LYPLAL1: variants seen among roughly 807,000 people sequenced by gnomAD.
LYPLAL1 encodes the protein lysophospholipase like 1.
Under a neutral mutation model 19.7 loss-of-function variants are expected in LYPLAL1, and 23 were observed. The ratio of observed to expected loss-of-function variants is 1.17; its 90% CI spans 0.84 to 1.65. The LOEUF is 1.65. Ranked by LOEUF, LYPLAL1 falls within the 40% of genes most tolerant of loss-of-function variation. LYPLAL1 has a pLI of 0.00. For missense variants in LYPLAL1, 355 were observed against 279.4 expected (o/e 1.27, Z -1.93); for synonymous variants, 119 against 96.3 (o/e 1.24, Z -1.38).
chr1:219,353,889 C>T, the LYPLAL1 span, among the ~76,000 whole-genome samples: 1 of 150,592 alleles, frequency 6.6e-6, no homozygotes, highest in African/African-American at 2.4e-5. Context: ...TGTTTAAGAG[C>T]TAAATGAAAA....
the LYPLAL1 span, among the ~76,000 whole-genome samples, chr1:219,337,733 C>T: frequency 3.4e-4 from 51 of 152,110 alleles, no homozygotes; most frequent in Middle Eastern, 3.4e-3. Context: ...GAAGTTTCAT[C>T]GGAACACAGC....
At chr1:219,431,758 C>G in the LYPLAL1 span, among the ~76,000 whole-genome samples, 1 of 152,160 alleles carries the variant, frequency 6.6e-6, no homozygotes, top group Admixed American at 6.5e-5. Flanking sequence ...CCTCTGCTAC[C>G]CTAACCCAAC....
the LYPLAL1 span, among the ~76,000 whole-genome samples, chr1:219,269,588 T>C: frequency 6.6e-6 from 1 of 151,776 alleles, no homozygotes; most frequent in African/African-American, 2.4e-5. Context: ...TCTTTGTGCT[T>C]TACATCTAGG....
the LYPLAL1 span, among the ~76,000 whole-genome samples, chr1:219,354,418 A>T: frequency 6.6e-6 from 1 of 152,030 alleles, no homozygotes; most frequent in African/African-American, 2.4e-5. Flanking sequence ...CTGGTCTCGA[A>T]CTCCTGACCT....
chr1:219,214,966 A>G (rs533206849), downstream of LYPLAL1, among the ~76,000 whole-genome samples: 1 of 152,264 alleles, frequency 6.6e-6, no homozygotes, highest in East Asian at 1.9e-4. Context: ...CTGGATTTAC[A>G]GGCCTGAGCC....
At chr1:219,174,818 T>A in intron 1 of LYPLAL1, 3 of 775,292 alleles carry the variant, frequency 3.9e-6, no homozygotes, top group Non-Finnish European at 4.7e-6. Flanking sequence ...GCAGCCGGTG[T>A]CCTCAGGGGG....
chr1:219,350,168 A>AT, the LYPLAL1 span, among the ~76,000 whole-genome samples: 62 of 152,306 alleles, frequency 4.1e-4, 2 homozygotes, highest in South Asian at 6.4e-3. Flanking sequence ...TTTTTAAGTG[A>AT]TTTTTTATAG....
chr1:219,316,884 G>A, the LYPLAL1 span, among the ~76,000 whole-genome samples: 1 of 152,094 alleles, frequency 6.6e-6, no homozygotes, highest in African/African-American at 2.4e-5. Context: ...ATCATTAGGG[G>A]CTGGGGGGAG....
chr1:219,254,329 AGC>A, the LYPLAL1 span, among the ~76,000 whole-genome samples: 2,201 of 152,020 alleles, frequency 0.014, 52 homozygotes, highest in African/African-American at 0.049. Flanking sequence ...TTGTGCTGTT[AGC>A]TGGTTATTAT....
chr1:219,374,320 T>A, the LYPLAL1 span, among the ~76,000 whole-genome samples: 2 of 152,170 alleles, frequency 1.3e-5, no homozygotes, highest in Admixed American at 1.3e-4. Flanking sequence ...CATATGACCA[T>A]ATTTATATCA....
At chr1:219,208,255 C>T (rs1658727799) in intron 3 of LYPLAL1, among the ~76,000 whole-genome samples, 1 of 151,952 alleles carries the variant, frequency 6.6e-6, no homozygotes, top group African/African-American at 2.4e-5. Context: ...TTTAAAAGTT[C>T]TCGCAATTTT....
the LYPLAL1 span, among the ~76,000 whole-genome samples, chr1:219,279,054 A>T: frequency 1.3e-5 from 2 of 152,200 alleles, no homozygotes; most frequent in East Asian, 3.9e-4. Context: ...TCCTTCCAGG[A>T]ATCCAGCATC....
chr1:219,381,516 CA>C, the LYPLAL1 span, among the ~76,000 whole-genome samples: 1 of 152,078 alleles, frequency 6.6e-6, no homozygotes, highest in Admixed American at 6.5e-5. Flanking sequence ...TTAGTGGGGA[CA>C]AAATAGAAAA....
chr1:219,332,135 C>T, the LYPLAL1 span, among the ~76,000 whole-genome samples: 35 of 152,232 alleles, frequency 2.3e-4, no homozygotes, highest in African/African-American at 7.0e-4. Flanking sequence ...GCTTCTGCTC[C>T]CTCTTTCTTG....
chr1:219,183,837 C>T (rs1013998405), intron 2 of LYPLAL1, among the ~76,000 whole-genome samples: 9 of 151,692 alleles, frequency 5.9e-5, no homozygotes, highest in Non-Finnish European at 8.9e-5. Context: ...TGTTGTTGCA[C>T]GTTTGGATCA....
chr1:219,287,354 A>G, the LYPLAL1 span, among the ~76,000 whole-genome samples: 1 of 152,208 alleles, frequency 6.6e-6, no homozygotes, highest in Non-Finnish European at 1.5e-5. Flanking sequence ...TGCCAGTGCA[A>G]TTAGGTCCCA....
At chr1:219,390,802 G>C in the LYPLAL1 span, among the ~76,000 whole-genome samples, 2 of 151,982 alleles carry the variant, frequency 1.3e-5, 1 homozygote, top group South Asian at 4.2e-4. Flanking sequence ...TATCTTTTTA[G>C]CTGTCTTTTG....
At chr1:219,369,402 G>T in the LYPLAL1 span, among the ~76,000 whole-genome samples, 5 of 152,178 alleles carry the variant, frequency 3.3e-5, no homozygotes, top group Non-Finnish European at 7.4e-5. Context: ...CTCCCAAGTA[G>T]CTGGGATTAC....
At chr1:219,292,337 C>T in the LYPLAL1 span, among the ~76,000 whole-genome samples, 1 of 152,204 alleles carries the variant, frequency 6.6e-6, no homozygotes, top group African/African-American at 2.4e-5. Context: ...GGACTCCCCT[C>T]TTGTAATCCT....
Sources: allele counts gnomAD v4.1 joint callset (sites outside exome capture counted in the v4.1 genomes callset), GRCh38; gene constraint gnomAD v4.1.1; transcripts MANE v1.5; gene names NCBI Gene and HGNC (gene_info 2026-07-23, HGNC 2026-07-21).